Variants in LINGO2 observed in about 807,000 individuals in gnomAD.
The protein encoded by LINGO2 is leucine-rich repeat and immunoglobulin-like domain-containing nogo receptor-interacting protein 2.
A neutral mutation model predicts 30.6 loss-of-function variants in LINGO2; 14 were observed. That is an observed-to-expected ratio of 0.46 (90% CI 0.30 to 0.72). LINGO2 has a LOEUF of 0.72. Ranked by LOEUF, LINGO2 falls within the 30% of genes least tolerant of loss-of-function variation. LINGO2 has a pLI of 0.07. For missense variants in LINGO2, 729 were observed against 751.7 expected, an observed-to-expected ratio of 0.97 and a Z score of 0.35; for synonymous variants, 317 against 288.5, an observed-to-expected ratio of 1.10 and a Z score of -1.00.
the LINGO2 span, among the ~76,000 whole-genome samples, chr9:29,119,360 T>TGC: frequency 2.3e-5 from 3 of 128,098 alleles, no homozygotes; most frequent in Admixed American, 7.9e-5. Context: ...CATGCACGTG[T>TGC]GCGCGCACAC....
At chr9:28,355,336 T>TCCCTCC (rs1397929929) in intron 3 of LINGO2, among the ~76,000 whole-genome samples, 2 of 134,260 alleles carry the variant, frequency 1.5e-5, no homozygotes, top group African/African-American at 3.1e-5. Flanking sequence ...TGTCTCTGTC[T>TCCCTCC]CTCTCTCTCT....
the LINGO2 span, among the ~76,000 whole-genome samples, chr9:28,762,435 A>C: frequency 6.6e-6 from 1 of 152,062 alleles, no homozygotes; most frequent in Non-Finnish European, 1.5e-5. Flanking sequence ...ATCAAGGACA[A>C]CCTAAGTACC....
chr9:28,679,712 T>C, the LINGO2 span, among the ~76,000 whole-genome samples: 1 of 152,038 alleles, frequency 6.6e-6, no homozygotes, highest in Admixed American at 6.6e-5. Context: ...GATAAAAACA[T>C]GAAAAGAAAG....
chr9:28,506,599 T>TA (rs1384525545), intron 1 of LINGO2, among the ~76,000 whole-genome samples: 15 of 108,542 alleles, frequency 1.4e-4, no homozygotes, highest in Non-Finnish European at 2.6e-4. Context: ...TCTACTTCTT[T>TA]AAAAAAGATA....
chr9:28,221,314 A>T (rs1483755774), intron 4 of LINGO2, among the ~76,000 whole-genome samples: 1 of 150,904 alleles, frequency 6.6e-6, no homozygotes, highest in African/African-American at 2.4e-5. Context: ...AAAAAAAAAA[A>T]AAAAAAAAAA....
At position 28,665,053 on chromosome 9, in the gene LINGO2, C is replaced by T. The variant is rs1218897563; in HGVS notation, c.-365+5147G>A. On this transcript the variant is annotated intron_variant, in intron 1 of 5. Transcript: ENST00000379992. ...TATATATATATGTTATAAGCGAACA[C>T]AATAGGTACTCAATAAAGATTTAGC... Among the ~76,000 whole-genome samples, 4 of 129,922 alleles carry T rather than the reference C, an allele frequency of 3.1e-5. No homozygotes were observed. The Admixed American group carries it at 3.2e-4, about 10-fold the overall frequency. 85.2% of individuals were successfully genotyped at this position (129,922 alleles called of 152,430 possible). A position where few individuals can be genotyped will look rare whatever the true frequency, so the allele number is the denominator to read the frequency against.
the LINGO2 span, among the ~76,000 whole-genome samples, chr9:28,685,139 T>C: frequency 8.9e-3 from 1,363 of 152,318 alleles, 20 homozygotes; most frequent in African/African-American, 0.031. Flanking sequence ...CCTGTCCATG[T>C]TGCTGCAAAG....
chr9:28,533,703 T>A (rs1821323466), intron 1 of LINGO2, among the ~76,000 whole-genome samples: 1 of 152,180 alleles, frequency 6.6e-6, no homozygotes, highest in Non-Finnish European at 1.5e-5. Flanking sequence ...AATAAGAGAT[T>A]GTTCATAAAG....
At chr9:28,072,006 A>G (rs17698273) in intron 4 of LINGO2, among the ~76,000 whole-genome samples, 4,424 of 152,214 alleles carry the variant, frequency 0.029, 120 homozygotes, top group Admixed American at 0.081. Context: ...TAGAGCAAAG[A>G]TTTTCTTGAG....
At chr9:28,921,445 C>T in the LINGO2 span, among the ~76,000 whole-genome samples, 3 of 152,100 alleles carry the variant, frequency 2.0e-5, no homozygotes, top group East Asian at 1.9e-4. Flanking sequence ...TAGGTCATCC[C>T]GTCACACAGA....
chr9:28,530,320 A>C (rs1445638592), intron 1 of LINGO2, among the ~76,000 whole-genome samples: 1 of 152,124 alleles, frequency 6.6e-6, no homozygotes, highest in Non-Finnish European at 1.5e-5. Context: ...TTCCATTTTG[A>C]GCAAATTATC....
At chr9:27,943,658 A>T (rs907198301), downstream of LINGO2, 1 of 151,436 alleles carries the variant, frequency 6.6e-6, no homozygotes, top group East Asian at 1.9e-4. Context: ...CAATTACCCA[A>T]GAATCTCAGT....
At chr9:28,189,933 G>C (rs1478490366) in intron 4 of LINGO2, among the ~76,000 whole-genome samples, 4 of 151,938 alleles carry the variant, frequency 2.6e-5, no homozygotes, top group Non-Finnish European at 5.9e-5. Flanking sequence ...ACTAGAAAGG[G>C]GGACAGCAAA....
the LINGO2 span, among the ~76,000 whole-genome samples, chr9:28,920,951 T>A: frequency 6.6e-6 from 1 of 152,094 alleles, no homozygotes; most frequent in South Asian, 2.1e-4. Flanking sequence ...ATGGACACTA[T>A]GAAAATTATA....
At chr9:28,769,410 T>TA in the LINGO2 span, among the ~76,000 whole-genome samples, 12 of 126,796 alleles carry the variant, frequency 9.5e-5, no homozygotes, top group East Asian at 6.7e-4. Context: ...GACATTGGTC[T>TA]AAAAAAAAAA....
chr9:28,715,364 T>C, the LINGO2 span, among the ~76,000 whole-genome samples: 27 of 152,182 alleles, frequency 1.8e-4, no homozygotes, highest in Admixed American at 1.3e-3. Context: ...TCCTGAAAAA[T>C]GTAAATGAGA....
chr9:28,387,276 T>G (rs957824353), intron 2 of LINGO2, among the ~76,000 whole-genome samples: 1 of 152,022 alleles, frequency 6.6e-6, no homozygotes, highest in Non-Finnish European at 1.5e-5. Flanking sequence ...TGGCACTCTG[T>G]GTCTAAAGGT....
At chr9:28,923,725 G>C in the LINGO2 span, among the ~76,000 whole-genome samples, 6 of 152,276 alleles carry the variant, frequency 3.9e-5, no homozygotes, top group East Asian at 1.2e-3. Flanking sequence ...AGGCACCAGA[G>C]GGAAAAACCT....
At chr9:28,232,338 C>T (rs2133939973) in intron 4 of LINGO2, among the ~76,000 whole-genome samples, 1 of 149,858 alleles carries the variant, frequency 6.7e-6, no homozygotes, top group South Asian at 2.1e-4. Context: ...TCAGGGCAAC[C>T]TCCTGGGAGG....
Sources: gnomAD v4.1 joint callset for allele counts (sites outside exome capture counted in the v4.1 genomes callset) on GRCh38, gnomAD v4.1.1 for gene constraint, MANE v1.5 for transcripts, NCBI Gene and HGNC (gene_info 2026-07-23, HGNC 2026-07-21) for gene names.